Variants in ATP10B observed in about 807,000 individuals in gnomAD.
ATP10B encodes phospholipid-transporting ATPase VB.
Under a neutral mutation model 141.2 loss-of-function variants are expected in ATP10B, and 122 were observed. The observed-to-expected ratio is 0.86, with a 90% CI of 0.75 to 1.00. The LOEUF (loss-of-function observed/expected upper bound fraction) is 1.00. Among genes scored for constraint, ATP10B ranks in the 50% least tolerant of loss-of-function variants. ATP10B has a pLI of 0.00. For synonymous variants in ATP10B, 685 were observed against 692.0 expected (o/e 0.99, Z 0.16); for missense variants, 1,876 against 1,825.3 (o/e 1.03, Z -0.51).
intron 17 of ATP10B, among the ~76,000 whole-genome samples, chr5:160,615,142 C>T (rs1757925379): frequency 1.3e-5 from 2 of 152,256 alleles, no homozygotes; most frequent in African/African-American, 4.8e-5. Context: ...TCACCCTCTG[C>T]CCTCTCCAAA....
intron 24 of ATP10B, among the ~76,000 whole-genome samples, chr5:160,582,302 A>G (rs1401577763): frequency 6.6e-6 from 1 of 151,984 alleles, no homozygotes; most frequent in Non-Finnish European, 1.5e-5. Context: ...TCCTTTCCAT[A>G]CTTAGTGCTT....
At position 160,617,876 on chromosome 5, in the gene ATP10B, G is replaced by A. The variant is rs1467778956; in HGVS notation, c.2514C>T (p.Cys838=). 2.5e-6 allele frequency: 4 copies of A among 1,613,798 alleles called. No homozygotes were observed. The African/African-American group carries it at 5.3e-5, about 22-fold the overall frequency. The change falls in exon 16 of 26, where the codon TGC becomes TGT. Residue 838 remains cysteine (C), a synonymous_variant. Coordinates refer to ENST00000327245, the MANE Select transcript of ATP10B (RefSeq NM_025153.3). ...LYARDGLRTL[C]IAKKVVSEED... ...GAATTGTTCTTACCTTCTTGGCAAT[G>A]CATAGTGTGCGCAGGCCATCTCTTG...
At chr5:160,805,696 C>T (rs1432220798) in intron 1 of ATP10B, among the ~76,000 whole-genome samples, 2 of 152,150 alleles carry the variant, frequency 1.3e-5, no homozygotes, top group Non-Finnish European at 2.9e-5. Context: ...GCAGTGGCCC[C>T]TAGTGCCCCA....
chr5:160,723,117 G>A (rs2127783882), intron 2 of ATP10B, among the ~76,000 whole-genome samples: 1 of 152,322 alleles, frequency 6.6e-6, no homozygotes, highest in African/African-American at 2.4e-5. Context: ...GGACAAGTAT[G>A]TGTGTGTGAG....
intron 2 of ATP10B, among the ~76,000 whole-genome samples, chr5:160,734,556 T>A (rs552819182): frequency 6.6e-6 from 1 of 151,900 alleles, no homozygotes; most frequent in Non-Finnish European, 1.5e-5. Context: ...TTTATAAGAT[T>A]CATAACCTAG....
chr5:160,834,263 T>C (rs1019070572), intron 1 of ATP10B, among the ~76,000 whole-genome samples: 6 of 151,952 alleles, frequency 3.9e-5, no homozygotes, highest in Admixed American at 2.0e-4. Context: ...AGGTGGAGGT[T>C]GCAATAAGCC....
intron 2 of ATP10B, among the ~76,000 whole-genome samples, chr5:160,734,251 T>A (rs2127798417): frequency 6.6e-6 from 1 of 152,070 alleles, no homozygotes; most frequent in Non-Finnish European, 1.5e-5. Flanking sequence ...ATAGCAGAAG[T>A]GACACCAGAT....
chr5:160,636,092 T>A, intron 11 of ATP10B, 90 bp downstream of exon 11: 1 of 1,387,332 alleles, frequency 7.2e-7, no homozygotes, highest in Non-Finnish European at 9.7e-7. Context: ...TACTTTCTAG[T>A]GGCCAGCACT....
intron 2 of ATP10B, among the ~76,000 whole-genome samples, chr5:160,763,996 G>A (rs965759594): frequency 2.0e-5 from 3 of 152,094 alleles, no homozygotes. Flanking sequence ...AACCCTCTTA[G>A]ATTAAACCAG....
intron 10 of ATP10B, among the ~76,000 whole-genome samples, chr5:160,640,163 C>T (rs1759730379): frequency 6.6e-6 from 1 of 152,224 alleles, no homozygotes; most frequent in Non-Finnish European, 1.5e-5. Flanking sequence ...TGTTTTACAG[C>T]AGCAATGGGA....
At chr5:160,781,051 G>T (rs760754942) in intron 2 of ATP10B, among the ~76,000 whole-genome samples, 1 of 152,098 alleles carries the variant, frequency 6.6e-6, no homozygotes, top group Non-Finnish European at 1.5e-5. Flanking sequence ...AATAGTGTGG[G>T]CTATTTAAAT....
At chr5:160,749,787 C>G (rs759051666) in intron 2 of ATP10B, among the ~76,000 whole-genome samples, 25 of 152,120 alleles carry the variant, frequency 1.6e-4, no homozygotes, top group Non-Finnish European at 3.2e-4. Context: ...GGTAAGTAAG[C>G]ATGTGTGTGG....
At chr5:160,886,849 G>A in the ATP10B span, among the ~76,000 whole-genome samples, 1 of 152,120 alleles carries the variant, frequency 6.6e-6, no homozygotes, top group Non-Finnish European at 1.5e-5. Context: ...TAAAGCACAA[G>A]GCACATTTGA....
At position 160,652,718 on chromosome 5, in the gene ATP10B, T is replaced by C. The variant is rs1308682057; in HGVS notation, c.676-3462A>G. Among the ~76,000 whole-genome samples the C allele has an allele frequency of 9.7e-5, 12 of 123,240 alleles. 1 individual carries two copies. The highest frequency in any genetic ancestry group is 4.5e-4 in the East Asian group (2 of 4,476). The allele number at this position is 123,240 out of a possible 152,430, so 80.9% of individuals were successfully genotyped here. A position where few individuals can be genotyped will look rare whatever the true frequency, so the allele number is the denominator to read the frequency against. The stretch of plus-strand genomic sequence containing the variant: ...AAATAATATATACATATATAATTTA[T>C]ATATAATATATACATATATTTATGT... On this transcript the variant is annotated intron_variant, in intron 7 of 25. Transcript: ENST00000327245.
At chr5:160,636,056 C>G in intron 11 of ATP10B, 126 bp downstream of exon 11, 1 of 1,095,762 alleles carries the variant, frequency 9.1e-7, no homozygotes, top group Non-Finnish European at 1.3e-6. Flanking sequence ...AAAGCGATGA[C>G]CATCTCCTCA....
the ATP10B span, among the ~76,000 whole-genome samples, chr5:160,910,459 A>G: frequency 6.6e-6 from 1 of 152,210 alleles, no homozygotes; most frequent in African/African-American, 2.4e-5. Context: ...TATATCGAGA[A>G]CAAAGTCTGG....
chr5:160,690,420 A>G (rs1764009842), intron 3 of ATP10B, among the ~76,000 whole-genome samples: 1 of 152,232 alleles, frequency 6.6e-6, no homozygotes, highest in South Asian at 2.1e-4. Context: ...TGAACAGGAA[A>G]CCTACAGAAT....
At chr5:160,743,528 A>G (rs777431498) in intron 2 of ATP10B, among the ~76,000 whole-genome samples, 1 of 152,172 alleles carries the variant, frequency 6.6e-6, no homozygotes, top group Non-Finnish European at 1.5e-5. Context: ...TAGAGAGGTC[A>G]ATCAATGCAG....
In ATP10B at chr5:160,628,406, A is replaced by T. The variant is rs191809830; in HGVS notation, c.1620+3723T>A. On this transcript the variant is annotated intron_variant, in intron 13 of 25. Transcript: ENST00000327245. Reference sequence around the variant, plus strand: ...AGATTCTGTGTACTTGGCTAATTAAATCAGGACTCTTATCTAACCTTACAG... The same window carrying T: ...AGATTCTGTGTACTTGGCTAATTAATTCAGGACTCTTATCTAACCTTACAG... 1.2e-3 allele frequency among the ~76,000 whole-genome samples: 178 copies of T among 152,358 alleles called. 2 individuals are homozygous for T. The highest frequency in any genetic ancestry group is 2.0e-3 in the Non-Finnish European group (133 of 68,040).
Sources: gnomAD v4.1 joint callset for allele counts (sites outside exome capture counted in the v4.1 genomes callset) on GRCh38, gnomAD v4.1.1 for gene constraint, MANE v1.5 for transcripts, NCBI Gene and HGNC (gene_info 2026-07-23, HGNC 2026-07-21) for gene names.